PLCG2: variants seen among roughly 807,000 people sequenced by gnomAD.
The protein encoded by PLCG2 is phospholipase C gamma 2.
Under a neutral mutation model 175.6 loss-of-function variants are expected in PLCG2, and 69 were observed. The observed-to-expected ratio is 0.39, with a 90% CI of 0.32 to 0.48. The LOEUF is 0.48. Among genes scored for constraint, PLCG2 ranks in the 20% least tolerant of loss-of-function variants. The pLI is 0.91. For missense variants in PLCG2, 1,798 were observed against 1,650.9 expected (o/e 1.09, Z -1.54); for synonymous variants, 827 against 624.0 (o/e 1.33, Z -4.85).
At chr16:81,936,012 A>G in intron 26 of PLCG2, 157 bp from the exon 27 acceptor site, 2 of 985,400 alleles carry the variant, frequency 2.0e-6, no homozygotes, top group Non-Finnish European at 2.4e-6. Flanking sequence ...GTCCACAGTG[A>G]TACCAATTGG....
Position 81,824,004 on chromosome 16 carries a change from TTTTCCTTTCCTTTCC to T in PLCG2, c.194-30408_194-30394del, listed in dbSNP as rs71146048. On this transcript the variant is annotated intron_variant, in intron 2 of 32. Coordinates refer to ENST00000564138, the MANE Select transcript of PLCG2 (RefSeq NM_002661.5). ...TCCTTCTTTTTCTGTTTCTTTTTCT[TTTTCCTTTCCTTTCC>T]TTTCCTTTCCTTTCCTTTCCTTTCC... Among the ~76,000 whole-genome samples the T allele has an allele frequency of 2.4e-3, 207 of 85,862 alleles. 1 individual carries two copies. The highest frequency in any genetic ancestry group is 9.0e-3 in the African/African-American group (191 of 21,174). 56.3% of individuals were successfully genotyped at this position (85,862 alleles called of 152,430 possible). A position where few individuals can be genotyped will look rare whatever the true frequency, so the allele number is the denominator to read the frequency against.
At chr16:81,821,614 G>C (rs1053089538) in intron 2 of PLCG2, among the ~76,000 whole-genome samples, 3 of 152,140 alleles carry the variant, frequency 2.0e-5, no homozygotes, top group Non-Finnish European at 2.9e-5. Flanking sequence ...CTCTGAGCCA[G>C]GCTTGGTCTT....
In PLCG2 at chr16:81,962,648, T is replaced by G. The variant is rs1911818604; in HGVS notation, c.*4650T>G. The G allele has an allele frequency of 4.5e-6, 1 of 220,482 alleles. No individual in the cohort carries two copies. The highest frequency in any genetic ancestry group is 5.8e-5 in the Admixed American group (1 of 17,352). The allele number at this position is 220,482 out of a possible 1,614,324, so 13.7% of individuals were successfully genotyped here. On this transcript the variant is annotated 3_prime_UTR_variant, in exon 33 of 33. Transcript: ENST00000564138. ...TGTTAATGTGAAAATTAAACAGCTG[T>G]ATCACATTTTGAAAAATAAAAGTTT...
At chr16:81,786,692 G>T (rs1297516190) in intron 2 of PLCG2, among the ~76,000 whole-genome samples, 1 of 152,168 alleles carries the variant, frequency 6.6e-6, no homozygotes, top group African/African-American at 2.4e-5. Context: ...TCTTGGTAGA[G>T]GTGTCCCTCC....
At chr16:81,819,017 C>T (rs1904677591) in intron 2 of PLCG2, among the ~76,000 whole-genome samples, 1 of 151,414 alleles carries the variant, frequency 6.6e-6, no homozygotes, top group Non-Finnish European at 1.5e-5. Context: ...CACCATGAGG[C>T]AGGTGTAACT....
chr16:81,887,092 T>C (rs1333086812), intron 9 of PLCG2, among the ~76,000 whole-genome samples: 1 of 151,802 alleles, frequency 6.6e-6, no homozygotes, highest in Admixed American at 6.6e-5. Flanking sequence ...TCCAGCCTCT[T>C]TGGGACATCT....
intron 3 of PLCG2, among the ~76,000 whole-genome samples, chr16:81,857,438 A>G (rs980250691): frequency 2.1e-4 from 32 of 152,140 alleles, no homozygotes; most frequent in African/African-American, 7.5e-4. Flanking sequence ...ACTGTAATGA[A>G]ATGCTGTAGA....
chr16:81,743,555 TG>T (rs547654613), intron 1 of PLCG2, among the ~76,000 whole-genome samples: 12 of 152,180 alleles, frequency 7.9e-5, no homozygotes, highest in South Asian at 2.1e-4. Context: ...GGGGTGAGGT[TG>T]GGCTCAGGAA....
chr16:81,855,316 C>G (rs996926832), intron 3 of PLCG2, among the ~76,000 whole-genome samples: 3 of 152,148 alleles, frequency 2.0e-5, no homozygotes, highest in Non-Finnish European at 4.4e-5. Context: ...CACACACATG[C>G]ACTTTCCTCA....
chr16:81,832,248 G>A (rs1337485239), intron 2 of PLCG2, among the ~76,000 whole-genome samples: 2 of 152,314 alleles, frequency 1.3e-5, no homozygotes, highest in South Asian at 2.1e-4. Context: ...GTCAGAGGTG[G>A]CAGTCACCAT....
intron 32 of PLCG2, among the ~76,000 whole-genome samples, chr16:81,957,288 G>T (rs181047597): frequency 6.6e-6 from 1 of 151,552 alleles, no homozygotes. Flanking sequence ...ACCAGAGGGA[G>T]ACTCTGTCAA....
intron 24 of PLCG2, among the ~76,000 whole-genome samples, chr16:81,930,476 G>A (rs546173146): frequency 6.6e-6 from 1 of 152,214 alleles, no homozygotes; most frequent in Non-Finnish European, 1.5e-5. Flanking sequence ...AGCTGGGTGT[G>A]GTGGCTCATT....
chr16:81,852,917 G>C (rs1447991709), intron 2 of PLCG2, among the ~76,000 whole-genome samples: 1 of 152,076 alleles, frequency 6.6e-6, no homozygotes, highest in African/African-American at 2.4e-5. Flanking sequence ...TTCTTCCATG[G>C]CCTCTCCATA....
At chr16:81,850,765 A>G (rs1364803403) in intron 2 of PLCG2, among the ~76,000 whole-genome samples, 1 of 152,182 alleles carries the variant, frequency 6.6e-6, no homozygotes, top group Non-Finnish European at 1.5e-5. Context: ...TGTGTTGCAT[A>G]TCTCATTAGC....
intron 2 of PLCG2, among the ~76,000 whole-genome samples, chr16:81,848,544 C>G (rs1906240161): frequency 6.6e-6 from 1 of 152,272 alleles, no homozygotes; most frequent in Non-Finnish European, 1.5e-5. Context: ...CTGTGCTTTT[C>G]TGTACCTGGT....
chr16:81,931,722 T>C, intron 25 of PLCG2, 68 bp downstream of exon 25: 1 of 1,437,298 alleles, frequency 7.0e-7, no homozygotes, highest in Non-Finnish European at 9.7e-7. Context: ...CAGTTGGGAC[T>C]GTGGGTGGGT....
rs1280094529 is a variant in PLCG2, at chr16:81,883,316, A to G, written c.740A>G (p.Gln247Arg). Residue 247 changes from glutamine to arginine, a missense_variant, in exon 9 of 33, where the codon CAG becomes CGG. Physicochemically the swap from Gln to Arg is conservative, Grantham distance 43 (BLOSUM62 1). Coordinates refer to ENST00000564138, the MANE Select transcript of PLCG2 (RefSeq NM_002661.5). The part of the protein sequence containing the change: ...DASAVYLHDF[Q>R]RFLIHEQQEH... The stretch of plus-strand genomic sequence containing the variant: ...TCTGCTGTTTACCTGCATGACTTCC[A>G]GAGGTTTCTCATACATGAACAGCAG... 4.3e-6 allele frequency: 7 copies of G among 1,613,996 alleles called. No homozygotes were observed. Among genetic ancestry groups the G allele is most frequent in the Non-Finnish European group, 5.9e-6 (7 of 1,180,006 alleles).
At chr16:81,755,003 CCT>C (rs754216127) in intron 1 of PLCG2, among the ~76,000 whole-genome samples, 22 of 151,912 alleles carry the variant, frequency 1.4e-4, no homozygotes, top group Non-Finnish European at 3.1e-4. Flanking sequence ...AATTGCTTAC[CCT>C]CTCTGAGCCC....
intron 7 of PLCG2, among the ~76,000 whole-genome samples, chr16:81,879,649 A>C (rs1022492667): frequency 1.3e-5 from 2 of 152,182 alleles, no homozygotes; most frequent in African/African-American, 4.8e-5. Context: ...AGCATTGATC[A>C]TGTGATAGTG....
Sources: gnomAD v4.1 joint callset for allele counts (sites outside exome capture counted in the v4.1 genomes callset) on GRCh38, gnomAD v4.1.1 for gene constraint, MANE v1.5 for transcripts, NCBI Gene and HGNC (gene_info 2026-07-23, HGNC 2026-07-21) for gene names.